Variants in RAB3GAP1 observed in about 807,000 individuals in gnomAD.
RAB3GAP1 encodes rab3 GTPase-activating protein catalytic subunit.
Under a neutral mutation model 130.7 loss-of-function variants are expected in RAB3GAP1, and 86 were observed. The ratio of observed to expected loss-of-function variants is 0.66; its 90% CI spans 0.55 to 0.79. RAB3GAP1 has a LOEUF of 0.79. RAB3GAP1 is among the 30% of genes least tolerant of loss of function. The pLI is 0.00. For missense variants in RAB3GAP1, 1,029 were observed against 1,169.4 expected, an observed-to-expected ratio of 0.88 and a Z score of 1.75; for synonymous variants, 367 against 401.7, an observed-to-expected ratio of 0.91 and a Z score of 1.03.
intron 5 of RAB3GAP1, among the ~76,000 whole-genome samples, chr2:135,109,043 C>T (rs1437820676): frequency 1.3e-5 from 2 of 152,040 alleles, no homozygotes; most frequent in Non-Finnish European, 2.9e-5. Flanking sequence ...CCTATTTGTT[C>T]TTTTGCCATT....
chr2:135,127,078 T>C (rs2104937581), intron 11 of RAB3GAP1, among the ~76,000 whole-genome samples: 1 of 152,010 alleles, frequency 6.6e-6, no homozygotes, highest in East Asian at 1.9e-4. Flanking sequence ...GGTTTCACCG[T>C]GTTATCCAGG....
In RAB3GAP1 at chr2:135,081,306, C is replaced by CAAAAA. The variant is rs1169138978; in HGVS notation, c.151-9674_151-9670dup. On this transcript the variant is annotated intron_variant, in intron 3 of 23. Coordinates refer to ENST00000264158, the MANE Select transcript of RAB3GAP1 (RefSeq NM_012233.3). Reference sequence around the variant, plus strand: ...TGGGTGACAGAGCAAGACTCCGTCTCAAAAAAAAAAAAAAAAAAAAAATAT... The same window carrying CAAAAA: ...TGGGTGACAGAGCAAGACTCCGTCTCAAAAAAAAAAAAAAAAAAAAAAAAAAATAT... Among the ~76,000 whole-genome samples the CAAAAA allele has an allele frequency of 1.5e-3, 20 of 13,206 alleles. 3 individuals are homozygous for CAAAAA. The highest frequency in any genetic ancestry group is 4.3e-3 in the African/African-American group (16 of 3,712). The allele number at this position is 13,206 out of a possible 152,430, so 8.7% of individuals were successfully genotyped here.
At chr2:135,148,668 CTTTTTTTTTT>C (rs60407802) in intron 17 of RAB3GAP1, among the ~76,000 whole-genome samples, 1 of 113,108 alleles carries the variant, frequency 8.8e-6, no homozygotes. Flanking sequence ...ATTTTTGTAT[CTTTTTTTTTT>C]TTTTTTTTTT....
chr2:135,129,094 G>A (rs1320441730), intron 11 of RAB3GAP1, among the ~76,000 whole-genome samples: 1 of 152,164 alleles, frequency 6.6e-6, no homozygotes, highest in African/African-American at 2.4e-5. Flanking sequence ...CAAGGCTGCA[G>A]TGAGCCATGA....
intron 9 of RAB3GAP1, 105 bp downstream of exon 9, chr2:135,124,351 A>G (rs543135514): frequency 2.6e-6 from 3 of 1,150,242 alleles, no homozygotes; most frequent in Non-Finnish European, 3.9e-6. Flanking sequence ...GCTGGGATGA[A>G]TGTAGTACTG....
intron 22 of RAB3GAP1, among the ~76,000 whole-genome samples, chr2:135,163,558 C>T (rs529156880): frequency 1.3e-5 from 2 of 152,234 alleles, no homozygotes; most frequent in Non-Finnish European, 2.9e-5. Flanking sequence ...ATGTGCCTTG[C>T]GATTATGTTT....
intron 12 of RAB3GAP1, 68 bp from the exon 13 acceptor site, chr2:135,130,484 A>G: frequency 7.7e-7 from 1 of 1,302,396 alleles, no homozygotes; most frequent in Non-Finnish European, 1.1e-6. Context: ...ATAATCATCA[A>G]TTTGTTCATC....
chr2:135,053,122 G>T (rs1390167819), intron 2 of RAB3GAP1, among the ~76,000 whole-genome samples: 1 of 152,234 alleles, frequency 6.6e-6, no homozygotes, highest in African/African-American at 2.4e-5. Flanking sequence ...CTCGGGAGGA[G>T]CTGGGACCAC....
At chr2:135,052,668 G>A (rs1350283236) in intron 2 of RAB3GAP1, among the ~76,000 whole-genome samples, 183 bp downstream of exon 2, 4 of 152,104 alleles carry the variant, frequency 2.6e-5, no homozygotes. Flanking sequence ...CTCGCGTCTG[G>A]CAACACCCGG....
At chr2:135,144,830 G>A (rs1027207886) in intron 17 of RAB3GAP1, among the ~76,000 whole-genome samples, 2 of 152,172 alleles carry the variant, frequency 1.3e-5, no homozygotes, top group African/African-American at 4.8e-5. Context: ...AATGGTTCTT[G>A]TGTTGTAAAT....
chr2:135,106,601 G>T (rs972988963), intron 5 of RAB3GAP1, among the ~76,000 whole-genome samples: 7 of 151,742 alleles, frequency 4.6e-5, no homozygotes, highest in African/African-American at 1.7e-4. Flanking sequence ...AAGTATCCAG[G>T]GACACAAACA....
At chr2:135,146,168 T>C (rs974209696) in intron 17 of RAB3GAP1, among the ~76,000 whole-genome samples, 2 of 151,448 alleles carry the variant, frequency 1.3e-5, no homozygotes, top group Non-Finnish European at 2.9e-5. Context: ...CTTTTAATGC[T>C]AGAAACCAAG....
chr2:135,091,014 G>A lies in RAB3GAP1; in HGVS notation c.167G>A (p.Gly56Asp). Residue 56 changes from glycine to aspartate, a missense_variant, in exon 4 of 24, where the codon GGC becomes GAC. Physicochemically the swap from Gly to Asp is moderately conservative, Grantham distance 94 (BLOSUM62 -1). Coordinates refer to ENST00000264158, the MANE Select transcript of RAB3GAP1 (RefSeq NM_012233.3). Reference protein sequence around the residue: ...KPLEKGIFTSGTWEEKSDEIS... With the variant: ...KPLEKGIFTSDTWEEKSDEIS... ...TACATATAGGGTATATTTACTTCTG[G>A]CACATGGGAAGAGAAATCAGATGAA... 6.2e-7 allele frequency: 1 copy of A among 1,612,130 alleles called. No individual in the cohort carries two copies. The highest frequency in any genetic ancestry group is 8.5e-7 in the Non-Finnish European group (1 of 1,178,528).
chr2:135,105,486 G>A (rs190796850), intron 5 of RAB3GAP1, among the ~76,000 whole-genome samples: 6 of 152,048 alleles, frequency 3.9e-5, no homozygotes, highest in Non-Finnish European at 8.8e-5. Flanking sequence ...TGCCAGCCTC[G>A]GCCTCTGGAG....
intron 22 of RAB3GAP1, among the ~76,000 whole-genome samples, chr2:135,164,280 T>C (rs1692562259): frequency 6.6e-6 from 1 of 152,234 alleles, no homozygotes. Context: ...TTTTTTTTCA[T>C]CTTTTATTAA....
chr2:135,107,748 G>A (rs1458035692), intron 5 of RAB3GAP1, among the ~76,000 whole-genome samples: 3 of 152,040 alleles, frequency 2.0e-5, no homozygotes, highest in African/African-American at 2.4e-5. Context: ...AGCACTTTGG[G>A]TGGATCACGT....
In RAB3GAP1 at chr2:135,162,660, C is replaced by T. The variant is rs1000069229; in HGVS notation, c.2386+9C>T. On this transcript the variant is annotated intron_variant, in intron 20 of 23. Coordinates refer to ENST00000264158, the MANE Select transcript of RAB3GAP1 (RefSeq NM_012233.3). ...CAAGGTAAAGGAAGAAGGTAAATGT[C>T]ATATTTAACTAGTCATTAGTCATTT... 1.9e-6 allele frequency: 3 copies of T among 1,609,308 alleles called. No homozygotes were observed. Among genetic ancestry groups the T allele is most frequent in the Non-Finnish European group, 2.6e-6 (3 of 1,175,706 alleles).
chr2:135,168,431 CTGAG>C (rs1692728188), intron 23 of RAB3GAP1, 110 bp from the exon 24 acceptor site: 2 of 891,598 alleles, frequency 2.2e-6, no homozygotes, highest in East Asian at 4.8e-5. Flanking sequence ...GACTGCATTA[CTGAG>C]TAACGTGGGA....
At chr2:135,103,035 A>ATTTTTT (rs539310402) in intron 5 of RAB3GAP1, among the ~76,000 whole-genome samples, 2,113 of 90,786 alleles carry the variant, frequency 0.023, 307 homozygotes, top group African/African-American at 0.081. Flanking sequence ...CATTTTTGTG[A>ATTTTTT]TTTTTTTTTT....
Sources: gnomAD v4.1 joint callset for allele counts (sites outside exome capture counted in the v4.1 genomes callset) on GRCh38, gnomAD v4.1.1 for gene constraint, MANE v1.5 for transcripts, NCBI Gene and HGNC (gene_info 2026-07-23, HGNC 2026-07-21) for gene names.